The following PDE10A variants were observed in gnomAD, a reference collection of about 807,000 sequenced individuals.
PDE10A encodes phosphodiesterase 10A, also known as cAMP and cAMP-inhibited cGMP 3',5'-cyclic phosphodiesterase 10A.
A neutral mutation model predicts 97.7 loss-of-function variants in PDE10A; 39 were observed. The ratio of observed to expected loss-of-function variants is 0.40; its 90% CI spans 0.31 to 0.52. The LOEUF (loss-of-function observed/expected upper bound fraction) is 0.52. Among genes scored for constraint, PDE10A ranks in the 20% least tolerant of loss-of-function variants. The probability of loss-of-function intolerance (pLI) is 0.56; values close to 1 mark genes in which losing one functional copy is unlikely to be tolerated. For missense variants in PDE10A, 731 were observed against 1,047.8 expected, an observed-to-expected ratio of 0.70 and a Z score of 4.17; for synonymous variants, 371 against 376.8, an observed-to-expected ratio of 0.98 and a Z score of 0.18.
At chr6:165,746,134 G>T (rs1792837936) in intron 1 of PDE10A, among the ~76,000 whole-genome samples, 1 of 152,126 alleles carries the variant, frequency 6.6e-6, no homozygotes, top group Non-Finnish European at 1.5e-5. Flanking sequence ...GACCTGAAAG[G>T]TACAAACACA....
At chr6:165,644,607 G>A (rs1253973694) in intron 1 of PDE10A, among the ~76,000 whole-genome samples, 2 of 152,316 alleles carry the variant, frequency 1.3e-5, no homozygotes, top group African/African-American at 2.4e-5. Flanking sequence ...TTGATCACCC[G>A]TCTTCTAACT....
At chr6:165,888,210 C>T (rs1408782848) in intron 1 of PDE10A, among the ~76,000 whole-genome samples, 3 of 152,156 alleles carry the variant, frequency 2.0e-5, no homozygotes, top group Non-Finnish European at 1.5e-5. Flanking sequence ...AAACCACACA[C>T]CTGGCTTTAC....
chr6:165,549,393 C>T (rs778608477), intron 1 of PDE10A, among the ~76,000 whole-genome samples: 34 of 152,134 alleles, frequency 2.2e-4, no homozygotes, highest in African/African-American at 8.2e-4. Context: ...GGCGTGATCT[C>T]GGCTCACTGC....
intron 1 of PDE10A, among the ~76,000 whole-genome samples, chr6:165,552,896 CTA>C (rs1784085179): frequency 6.6e-6 from 1 of 151,852 alleles, no homozygotes; most frequent in Admixed American, 6.6e-5. Context: ...ATAGGGAGTG[CTA>C]TAGGTTTGTT....
At position 165,332,959 on chromosome 6, in the gene PDE10A, GA is replaced by G; in HGVS notation, c.*65del. ...TTCCCCCCACCCCCCCCAAAAAAAG[GA>G]AAAGAATGTCAAAGAAGCAAGATGA... On this transcript the variant is annotated 3_prime_UTR_variant, in exon 22 of 22. Transcript: ENST00000539869. 4 of 925,154 alleles carry G rather than the reference GA, an allele frequency of 4.3e-6. No individual in the cohort carries two copies. The highest frequency in any genetic ancestry group is 2.7e-5 in the South Asian group (2 of 74,782). 57.3% of individuals were successfully genotyped at this position (925,154 alleles called of 1,614,324 possible).
In PDE10A at chr6:165,428,658, C is replaced by A; in HGVS notation, c.1653G>T (p.Met551Ile). Reference protein sequence around the residue: ...VAIDSLLEHIMIYAKNLVNAD... With the variant: ...VAIDSLLEHIIIYAKNLVNAD... Reference sequence around the variant, plus strand: ...CATACTCAGAACAAAAACAACCTACCATTATGTGTTCAAGTAGAGAATCTA... The same window carrying A: ...CATACTCAGAACAAAAACAACCTACAATTATGTGTTCAAGTAGAGAATCTA... Residue 551 changes from methionine to isoleucine, a missense_variant and splice_region_variant, in exon 10 of 22, where the codon ATG becomes ATT. This residue lies in a region of PDE10A where 108 missense variants were observed against 199.8 expected (regional missense o/e 0.54). Transcript: ENST00000539869. The A allele has an allele frequency of 7.7e-7, 1 of 1,305,300 alleles. No homozygotes were observed. Among genetic ancestry groups the A allele is most frequent in the Non-Finnish European group, 1.1e-6 (1 of 911,472 alleles). 80.9% of individuals were successfully genotyped at this position (1,305,300 alleles called of 1,614,324 possible).
intron 1 of PDE10A, among the ~76,000 whole-genome samples, chr6:165,647,771 C>T (rs1338069389): frequency 6.6e-6 from 1 of 152,202 alleles, no homozygotes; most frequent in African/African-American, 2.4e-5. Flanking sequence ...CTTGCAGAGA[C>T]TGCCTTTTCG....
chr6:165,636,996 G>GA (rs1257092248), intron 1 of PDE10A, among the ~76,000 whole-genome samples: 1 of 152,160 alleles, frequency 6.6e-6, no homozygotes, highest in African/African-American at 2.4e-5. Flanking sequence ...AATCATCATG[G>GA]AAATGAAAGA....
At chr6:165,344,228 A>G (rs1782159662) in intron 18 of PDE10A, among the ~76,000 whole-genome samples, 1 of 152,214 alleles carries the variant, frequency 6.6e-6, no homozygotes, top group African/African-American at 2.4e-5. Flanking sequence ...CTTAAAAAAA[A>G]TCAAAGACAT....
intron 1 of PDE10A, among the ~76,000 whole-genome samples, chr6:165,632,341 T>C (rs1012465580): frequency 1.3e-5 from 2 of 152,092 alleles, no homozygotes; most frequent in Non-Finnish European, 2.9e-5. Flanking sequence ...AGCTTCAAGC[T>C]GTTAAGAAAG....
intron 1 of PDE10A, among the ~76,000 whole-genome samples, chr6:165,676,170 TG>T (rs1328360424): frequency 1.3e-5 from 2 of 152,086 alleles, no homozygotes; most frequent in African/African-American, 4.8e-5. Context: ...AAGTGTGAGC[TG>T]AAAAATGTGT....
intron 1 of PDE10A, among the ~76,000 whole-genome samples, chr6:165,928,958 G>A (rs1008093660): frequency 2.0e-5 from 3 of 152,160 alleles, no homozygotes; most frequent in Non-Finnish European, 2.9e-5. Flanking sequence ...CATGGTGCAC[G>A]TTAGAGCCAT....
chr6:165,792,201 G>A (rs1778675034), intron 1 of PDE10A, among the ~76,000 whole-genome samples: 2 of 152,204 alleles, frequency 1.3e-5, no homozygotes, highest in South Asian at 2.1e-4. Flanking sequence ...AAAGGCAAAT[G>A]TGAAACTTGA....
chr6:165,883,960 C>G (rs1781560229), intron 1 of PDE10A, among the ~76,000 whole-genome samples: 1 of 152,144 alleles, frequency 6.6e-6, no homozygotes, highest in African/African-American at 2.4e-5. Flanking sequence ...GAGGGGAAGC[C>G]AGGTATGCCG....
chr6:165,766,881 G>A (rs921256332), intron 1 of PDE10A, among the ~76,000 whole-genome samples: 1 of 152,218 alleles, frequency 6.6e-6, no homozygotes, highest in African/African-American at 2.4e-5. Context: ...AGGTGGCACA[G>A]AGCTTTTTCA....
chr6:165,407,531 T>C (rs541619801), intron 13 of PDE10A, among the ~76,000 whole-genome samples: 1 of 152,364 alleles, frequency 6.6e-6, no homozygotes, highest in Admixed American at 6.5e-5. Flanking sequence ...GTTCTTATCA[T>C]AGTCATCTTT....
At chr6:165,966,936 C>T (rs1319036585) in intron 1 of PDE10A, among the ~76,000 whole-genome samples, 1 of 151,894 alleles carries the variant, frequency 6.6e-6, no homozygotes, top group East Asian at 1.9e-4. Context: ...GGAAGAAAAA[C>T]AAGATGAAAC....
intron 17 of PDE10A, among the ~76,000 whole-genome samples, chr6:165,381,959 C>T (rs1784964047): frequency 6.6e-6 from 1 of 152,034 alleles, no homozygotes; most frequent in Non-Finnish European, 1.5e-5. Context: ...CTTTTATACA[C>T]CAATTGATAA....
chr6:165,873,648 T>C (rs1562776833), intron 1 of PDE10A, among the ~76,000 whole-genome samples: 1 of 152,224 alleles, frequency 6.6e-6, no homozygotes. Flanking sequence ...TATTTGAATT[T>C]GACATAAGAC....
Sources: gnomAD v4.1 joint callset for allele counts (sites outside exome capture counted in the v4.1 genomes callset) on GRCh38, gnomAD v4.1.1 for gene constraint, gnomAD v4.1.1 regional missense constraint, MANE v1.5 for transcripts, NCBI Gene and HGNC (gene_info 2026-07-23, HGNC 2026-07-21) for gene names.